The following THSD7A variants were observed in gnomAD, a reference collection of about 807,000 sequenced individuals.
THSD7A encodes the protein thrombospondin type 1 domain containing 7A.
A neutral mutation model predicts 231.3 loss-of-function variants in THSD7A; 96 were observed. The observed-to-expected ratio is 0.41, with a 90% confidence interval of 0.35 to 0.49. The LOEUF (loss-of-function observed/expected upper bound fraction) is 0.49, where lower values mean the gene tolerates loss of function less well. THSD7A is among the 20% of genes least tolerant of loss of function. The pLI is 0.05. For missense variants in THSD7A, 2,290 were observed against 2,070.2 expected (o/e 1.11, Z -2.06); for synonymous variants, 940 against 743.3 (o/e 1.26, Z -4.30).
chr7:11,787,830 A>G (rs1344452061), intron 1 of THSD7A, among the ~76,000 whole-genome samples: 1 of 152,056 alleles, frequency 6.6e-6, no homozygotes, highest in Non-Finnish European at 1.5e-5. Context: ...GCACTCTGGA[A>G]GATAGATGGA....
intron 9 of THSD7A, among the ~76,000 whole-genome samples, chr7:11,465,978 T>C (rs1785689704): frequency 6.6e-6 from 1 of 152,174 alleles, no homozygotes; most frequent in African/African-American, 2.4e-5. Flanking sequence ...TACACTCCAC[T>C]TAATACTGAT....
rs565102728 is a variant in THSD7A at position 11,679,033 on chromosome 7, G to C, written c.191-42072C>G. ...GTCAGCTTCATCCCTGGGATGCAAGGCTGGTTCAACATATGCAAATCAATA... is the reference window on the plus strand; with the variant it reads ...GTCAGCTTCATCCCTGGGATGCAAGCCTGGTTCAACATATGCAAATCAATA... On this transcript the variant is annotated intron_variant, in intron 1 of 27. Transcript: ENST00000423059. Among the ~76,000 whole-genome samples the C allele has an allele frequency of 1.4e-3, 218 of 152,236 alleles. 6 individuals are homozygous for C. The South Asian group carries it at 0.044, about 30-fold the overall frequency.
rs2115386896 is a variant in THSD7A at position 11,412,724 on chromosome 7, G to C, written c.3614C>G (p.Pro1205Arg). 1 of 1,613,748 alleles carries C rather than the reference G, an allele frequency of 6.2e-7. No homozygotes were observed. The highest frequency in any genetic ancestry group is 1.3e-5 in the African/African-American group (1 of 75,026). The change falls in exon 18 of 28, where the codon CCT becomes CGT. Residue 1205 changes from proline to arginine, a missense_variant. Coordinates refer to ENST00000423059, the MANE Select transcript of THSD7A (RefSeq NM_015204.3). ...ACAGGGTTCTTTCTCAACAGCATTAGGGCAAGATCTTCCTTCATCAGCTGG... is the reference window on the plus strand; with the variant it reads ...ACAGGGTTCTTTCTCAACAGCATTACGGCAAGATCTTCCTTCATCAGCTGG... ...RQPADEGRSC[P>R]NAVEKEPCNL...
chr7:11,389,188 G>A (rs934454511), intron 23 of THSD7A, among the ~76,000 whole-genome samples: 1 of 152,088 alleles, frequency 6.6e-6, no homozygotes, highest in Non-Finnish European at 1.5e-5. Flanking sequence ...ATGTTGATCA[G>A]TCTATTATTG....
intron 13 of THSD7A, among the ~76,000 whole-genome samples, chr7:11,430,286 C>G (rs1784440844): frequency 1.3e-5 from 2 of 152,116 alleles, no homozygotes; most frequent in South Asian, 4.1e-4. Flanking sequence ...GTGCAACCAT[C>G]ATCACCATCT....
rs140965119 is a variant in THSD7A, at chr7:11,794,839, G to A, written c.190+36918C>T. 3.3e-3 allele frequency among the ~76,000 whole-genome samples: 497 copies of A among 152,032 alleles called. 2 individuals carry two copies. The highest frequency in any genetic ancestry group is 6.1e-3 in the Non-Finnish European group (413 of 67,932). ...CAAATTCTTTATGTCAGAGCACTGTGCATGAGAAGTTCACTTTTTTCCAAC... is the reference window on the plus strand; with the variant it reads ...CAAATTCTTTATGTCAGAGCACTGTACATGAGAAGTTCACTTTTTTCCAAC... On this transcript the variant is annotated intron_variant, in intron 1 of 27. Transcript: ENST00000423059.
At chr7:11,456,677 G>A (rs1245511750) in intron 11 of THSD7A, among the ~76,000 whole-genome samples, 4 of 151,808 alleles carry the variant, frequency 2.6e-5, no homozygotes, top group African/African-American at 9.7e-5. Context: ...GGCTTTGTAG[G>A]CCATATGGGT....
chr7:11,376,430 C>G, intron 27 of THSD7A, 140 bp downstream of exon 27: 1 of 654,120 alleles, frequency 1.5e-6, no homozygotes, highest in Non-Finnish European at 2.5e-6. Context: ...GCTTTTAGCC[C>G]ATCTAGGACT....
chr7:11,774,233 T>G (rs1220308492), intron 1 of THSD7A, among the ~76,000 whole-genome samples: 8 of 152,196 alleles, frequency 5.3e-5, no homozygotes, highest in African/African-American at 1.9e-4. Context: ...AACAGTCCAG[T>G]TTCCGAAAGA....
At chr7:11,584,688 A>T (rs1160067628) in intron 4 of THSD7A, among the ~76,000 whole-genome samples, 1 of 152,194 alleles carries the variant, frequency 6.6e-6, no homozygotes, top group Non-Finnish European at 1.5e-5. Flanking sequence ...AAGTTAAAAG[A>T]CTTTTAAAGT....
intron 1 of THSD7A, among the ~76,000 whole-genome samples, chr7:11,732,874 T>C (rs527965704): frequency 3.9e-5 from 6 of 151,946 alleles, no homozygotes; most frequent in African/African-American, 1.4e-4. Context: ...TTTCAAACAA[T>C]GCAATTTCAA....
At chr7:11,569,818 G>A (rs1223866416) in intron 4 of THSD7A, among the ~76,000 whole-genome samples, 1 of 152,162 alleles carries the variant, frequency 6.6e-6, no homozygotes, top group Non-Finnish European at 1.5e-5. Context: ...TTTGGTACAT[G>A]TACACAATGG....
intron 7 of THSD7A, among the ~76,000 whole-genome samples, chr7:11,479,443 A>G (rs1377953705): frequency 1.3e-5 from 2 of 152,218 alleles, no homozygotes; most frequent in African/African-American, 4.8e-5. Flanking sequence ...TTTCCTTTAA[A>G]GTTATCACAA....
chr7:11,720,423 A>G (rs1484972659), intron 1 of THSD7A, among the ~76,000 whole-genome samples: 2 of 151,652 alleles, frequency 1.3e-5, no homozygotes, highest in African/African-American at 4.8e-5. Flanking sequence ...AGGAATATGA[A>G]TTTATTGATG....
rs960081585 is a variant in THSD7A at position 11,406,913 on chromosome 7, C to T, written c.4059G>A (p.Val1353=). Residue 1353 remains valine (V), a synonymous_variant, in exon 21 of 28, where the codon GTG becomes GTA. Coordinates refer to ENST00000423059, the MANE Select transcript of THSD7A (RefSeq NM_015204.3). The surrounding 1 kb of genome is among the most constrained non-coding windows in gnomAD (Gnocchi z 4.7). ...WQYGQWSPCQ[V]QEAQCGEGTR... is the part of the protein sequence containing the mutation. ...ACAACTTCTTGAGATTTGATACCTG[C>T]ACTTGGCATGGAGACCACTGGCCAT... is the stretch of plus-strand genomic sequence containing the variant. The T allele has an allele frequency of 4.3e-6, 7 of 1,613,646 alleles. No homozygotes were observed. The African/African-American group carries it at 9.3e-5, about 22-fold the overall frequency.
At chr7:11,567,112 GTAT>G (rs1790376088) in intron 4 of THSD7A, among the ~76,000 whole-genome samples, 1 of 152,076 alleles carries the variant, frequency 6.6e-6, no homozygotes, top group Non-Finnish European at 1.5e-5. Flanking sequence ...AATATCCCAT[GTAT>G]TATTCCTTTT....
At chr7:11,761,345 C>G (rs1036897918) in intron 1 of THSD7A, among the ~76,000 whole-genome samples, 11 of 152,002 alleles carry the variant, frequency 7.2e-5, no homozygotes, top group Non-Finnish European at 1.3e-4. Context: ...CATCCACCAC[C>G]AAAATTCTGG....
intron 1 of THSD7A, among the ~76,000 whole-genome samples, chr7:11,773,803 A>T (rs1412331696): frequency 6.6e-6 from 1 of 152,152 alleles, no homozygotes; most frequent in African/African-American, 2.4e-5. Context: ...AACTCATTTT[A>T]AAAATTAAAA....
chr7:11,490,796 A>G (rs1338512188), intron 6 of THSD7A, among the ~76,000 whole-genome samples: 1 of 152,054 alleles, frequency 6.6e-6, no homozygotes, highest in East Asian at 1.9e-4. Flanking sequence ...CCCACTTACC[A>G]CTAATGTGCC....
Sources: gnomAD v4.1 joint callset for allele counts (sites outside exome capture counted in the v4.1 genomes callset) on GRCh38, gnomAD v4.1.1 for gene constraint, Gnocchi (gnomAD v3.1) non-coding constraint, MANE v1.5 for transcripts, NCBI Gene and HGNC (gene_info 2026-07-23, HGNC 2026-07-21) for gene names.